Variants in MDM4 observed in about 807,000 individuals in gnomAD.
The protein encoded by MDM4 is protein Mdm4.
Under a neutral mutation model 60.2 loss-of-function variants are expected in MDM4, and 2 were observed. The observed-to-expected ratio is 0.03, with a 90% CI of 0.01 to 0.10. The LOEUF is 0.10. Ranked by LOEUF, MDM4 falls within the 10% of genes least tolerant of loss-of-function variation. The pLI is 1.00. For synonymous variants in MDM4, 202 were observed against 198.1 expected (o/e 1.02, Z -0.17); for missense variants, 447 against 577.5 (o/e 0.77, Z 2.32).
chr1:204,545,590 C>T (rs973516480), intron 9 of MDM4, among the ~76,000 whole-genome samples: 9 of 152,150 alleles, frequency 5.9e-5, no homozygotes, highest in Admixed American at 5.9e-4. Context: ...CTAGTATATT[C>T]GTTGTAGTCA....
intron 3 of MDM4, chr1:204,529,629 C>T: frequency 9.6e-7 from 1 of 1,042,414 alleles, no homozygotes; most frequent in Non-Finnish European, 1.4e-6. Context: ...TAGTAGCTAC[C>T]CGGAGGGGTT....
intron 7 of MDM4, among the ~76,000 whole-genome samples, chr1:204,539,577 A>T (rs1572502792): frequency 7.3e-6 from 1 of 136,620 alleles, no homozygotes; most frequent in Non-Finnish European, 1.5e-5. Flanking sequence ...CTCTGTCACC[A>T]GGCTGGAGTG....
intron 1 of MDM4, chr1:204,525,241 A>G (rs1259275452): frequency 1.4e-6 from 1 of 737,996 alleles, no homozygotes. Flanking sequence ...GCGTGCCTGA[A>G]ACTGTTACTG....
rs1363662502 is a variant in MDM4, at chr1:204,550,153, T to C, written c.*471T>C. On this transcript the variant is annotated 3_prime_UTR_variant, in exon 11 of 11. Transcript: ENST00000367182. The stretch of plus-strand genomic sequence containing the variant: ...TAGTTTTTTTTTTTTTTGCACTTTT[T>C]TTTTTCCGGGGGTATAGGGGAGGTG... 1 of 235,320 alleles carries C rather than the reference T, an allele frequency of 4.2e-6. No homozygotes were observed. The highest frequency in any genetic ancestry group is 8.3e-6 in the Non-Finnish European group (1 of 119,836). 14.6% of individuals were successfully genotyped at this position (235,320 alleles called of 1,614,324 possible).
At chr1:204,527,360 T>C (rs1016946227) in intron 3 of MDM4, among the ~76,000 whole-genome samples, 2 of 151,778 alleles carry the variant, frequency 1.3e-5, no homozygotes, top group African/African-American at 4.8e-5. Flanking sequence ...GCAGTAGTTT[T>C]TATTATAAAT....
intron 9 of MDM4, among the ~76,000 whole-genome samples, chr1:204,545,440 T>G (rs1375733431): frequency 6.6e-6 from 1 of 152,072 alleles, no homozygotes; most frequent in Non-Finnish European, 1.5e-5. Flanking sequence ...CAGAAGAAAT[T>G]GGGGAGGAGA....
At chr1:204,527,643 CAAAAA>C (rs55900130) in intron 3 of MDM4, among the ~76,000 whole-genome samples, 1 of 109,498 alleles carries the variant, frequency 9.1e-6, no homozygotes, top group Non-Finnish European at 1.9e-5. Flanking sequence ...AACTCCATCT[CAAAAA>C]AAAAAAAAAA....
intron 5 of MDM4, chr1:204,532,466 C>T (rs1407244656): frequency 1.4e-5 from 8 of 562,530 alleles, no homozygotes; most frequent in East Asian, 9.0e-5. Context: ...GTACTGTTAA[C>T]GTTTTGTCAT....
rs548816784 is a variant in MDM4 at position 204,553,164 on chromosome 1, C to T, written c.*3482C>T. ...CTGAGATTACAGGCATGAGCCACAGCGCCCAGCTTAAACTATTTTCTTGGT... is the reference window on the plus strand; with the variant it reads ...CTGAGATTACAGGCATGAGCCACAGTGCCCAGCTTAAACTATTTTCTTGGT... On this transcript the variant is annotated 3_prime_UTR_variant, in exon 11 of 11. Transcript: ENST00000367182. The T allele has an allele frequency of 1.7e-5, 3 of 180,846 alleles. No individual in the cohort carries two copies. The highest frequency in any genetic ancestry group is 9.1e-5 in the East Asian group (1 of 10,960). 11.2% of individuals were successfully genotyped at this position (180,846 alleles called of 1,614,324 possible). A position where few individuals can be genotyped will look rare whatever the true frequency, so the allele number is the denominator to read the frequency against.
At position 204,534,476 on chromosome 1, in the gene MDM4, G is replaced by T. The variant is rs981997210; in HGVS notation, c.343+2230G>T. Among the ~76,000 whole-genome samples the T allele has an allele frequency of 2.0e-4, 30 of 152,008 alleles. 1 individual carries two copies. The highest frequency in any genetic ancestry group is 1.8e-3 in the Admixed American group (27 of 15,254). ...TGCAGAATTTAACATGCCATATAAA[G>T]AATATTTTGTTGGTTTTGTTTTGTT... On this transcript the variant is annotated intron_variant, in intron 5 of 10. Transcript: ENST00000367182.
chr1:204,532,958 T>C, intron 5 of MDM4: 1 of 932,854 alleles, frequency 1.1e-6, no homozygotes, highest in Non-Finnish European at 1.6e-6. Context: ...TTTAATCACA[T>C]CAGAGTCATG....
chr1:204,545,765 G>T (rs1188560430), intron 9 of MDM4, among the ~76,000 whole-genome samples: 1 of 152,126 alleles, frequency 6.6e-6, no homozygotes, highest in African/African-American at 2.4e-5. Flanking sequence ...TAGCTCAAGT[G>T]GTCCTTCCAC....
rs1662704828 is a variant in MDM4, at chr1:204,546,782, T to G, written c.823-15T>G. The G allele has an allele frequency of 1.3e-6, 2 of 1,585,032 alleles. No homozygotes were observed. Among genetic ancestry groups the G allele is most frequent in the East Asian group, 2.2e-5 (1 of 44,692 alleles). On this transcript the variant is annotated splice_polypyrimidine_tract_variant and intron_variant, in intron 9 of 10. Coordinates refer to ENST00000367182, the MANE Select transcript of MDM4 (RefSeq NM_002393.5). ...ACAAGTAAACATTACTAATGAGATGTTTTTGCCTTCACAGGTGATTGAAGT... is the reference window on the plus strand; with the variant it reads ...ACAAGTAAACATTACTAATGAGATGGTTTTGCCTTCACAGGTGATTGAAGT...
At chr1:204,535,378 C>A (rs184693172) in intron 5 of MDM4, among the ~76,000 whole-genome samples, 1 of 151,820 alleles carries the variant, frequency 6.6e-6, no homozygotes, top group Non-Finnish European at 1.5e-5. Flanking sequence ...AGGATGGTCT[C>A]GATCTCCTGA....
chr1:204,533,847 A>G (rs541102052), intron 5 of MDM4, among the ~76,000 whole-genome samples: 2 of 150,718 alleles, frequency 1.3e-5, no homozygotes, highest in South Asian at 2.1e-4. Flanking sequence ...CAGTGGTGCA[A>G]TCATAGTTCA....
intron 10 of MDM4, among the ~76,000 whole-genome samples, chr1:204,548,465 G>A (rs1034995918): frequency 6.6e-6 from 1 of 152,106 alleles, no homozygotes; most frequent in Non-Finnish European, 1.5e-5. Context: ...GTTCCCTGTA[G>A]CTATTTTTGA....
intron 5 of MDM4, chr1:204,532,919 A>G: frequency 1.5e-6 from 2 of 1,372,296 alleles, no homozygotes; most frequent in Non-Finnish European, 2.0e-6. Flanking sequence ...TTGCCAAGAA[A>G]GCTTTATAGG....
chr1:204,519,953 A>G (rs909536123), intron 1 of MDM4, among the ~76,000 whole-genome samples: 1 of 152,154 alleles, frequency 6.6e-6, no homozygotes, highest in African/African-American at 2.4e-5. Context: ...AAAGAGAAAA[A>G]TATAAACGAA....
At position 204,550,222 on chromosome 1, in the gene MDM4, G is replaced by C. The variant is rs1340416093; in HGVS notation, c.*540G>C. 4.3e-6 allele frequency: 1 copy of C among 231,282 alleles called. No homozygotes were observed. Among genetic ancestry groups the C allele is most frequent in the African/African-American group, 2.2e-5 (1 of 44,930 alleles). 14.3% of individuals were successfully genotyped at this position (231,282 alleles called of 1,614,324 possible). A position where few individuals can be genotyped will look rare whatever the true frequency, so the allele number is the denominator to read the frequency against. Reference sequence around the variant, plus strand: ...CTTGTTCTGTCTCCCAGGCTGAAGTGCAGTGCAGTGGTATGATCATGGCTC... The same window carrying C: ...CTTGTTCTGTCTCCCAGGCTGAAGTCCAGTGCAGTGGTATGATCATGGCTC... On this transcript the variant is annotated 3_prime_UTR_variant, in exon 11 of 11. Transcript: ENST00000367182.
Sources: gnomAD v4.1 joint callset for allele counts (sites outside exome capture counted in the v4.1 genomes callset) on GRCh38, gnomAD v4.1.1 for gene constraint, MANE v1.5 for transcripts, NCBI Gene and HGNC (gene_info 2026-07-23, HGNC 2026-07-21) for gene names.